GRM8: variants seen among roughly 807,000 people sequenced by gnomAD.
GRM8 encodes glutamate metabotropic receptor 8, also known as metabotropic glutamate receptor 8.
GRM8 carries 47 observed loss-of-function variants against 87.2 expected under a neutral mutation model. The ratio of observed to expected loss-of-function variants is 0.54; its 90% CI spans 0.43 to 0.69. The LOEUF (loss-of-function observed/expected upper bound fraction) is 0.69, where lower values mean the gene tolerates loss of function less well. Among genes scored for constraint, GRM8 ranks in the 30% least tolerant of loss-of-function variants. The pLI, the probability that GRM8 is intolerant of heterozygous loss-of-function variation, is 0.00. For synonymous variants in GRM8, 396 were observed against 404.5 expected (o/e 0.98, Z 0.25); for missense variants, 1,019 against 1,139.2 (o/e 0.89, Z 1.52).
intron 2 of GRM8, among the ~76,000 whole-genome samples, chr7:127,169,570 G>T (rs543330536): frequency 7.9e-5 from 12 of 151,946 alleles, no homozygotes; most frequent in African/African-American, 2.9e-4. Context: ...CAGATTTTCA[G>T]TGTAGCTGAA....
intron 9 of GRM8, among the ~76,000 whole-genome samples, chr7:126,464,833 T>C (rs1446143157): frequency 6.6e-6 from 1 of 151,796 alleles, no homozygotes; most frequent in Non-Finnish European, 1.5e-5. Context: ...TGTTTCCATG[T>C]ATATCTTAGT....
intron 7 of GRM8, among the ~76,000 whole-genome samples, chr7:126,707,865 G>A (rs926734839): frequency 6.6e-6 from 1 of 152,024 alleles, no homozygotes; most frequent in African/African-American, 2.4e-5. Context: ...AACACCAAGA[G>A]CACAGGCAAG....
chr7:127,182,882 T>C (rs1030057878), intron 2 of GRM8, among the ~76,000 whole-genome samples: 1 of 151,106 alleles, frequency 6.6e-6, no homozygotes, highest in Non-Finnish European at 1.5e-5. Flanking sequence ...ACAATGGACT[T>C]TGGGGACTTG....
intron 6 of GRM8, among the ~76,000 whole-genome samples, chr7:126,895,545 C>A (rs1452959914): frequency 1.3e-5 from 2 of 152,032 alleles, no homozygotes; most frequent in Non-Finnish European, 2.9e-5. Flanking sequence ...CATAGTGCTT[C>A]CCATATTGCT....
At chr7:126,771,567 T>G (rs1818843224) in intron 6 of GRM8, among the ~76,000 whole-genome samples, 1 of 152,140 alleles carries the variant, frequency 6.6e-6, no homozygotes, top group Non-Finnish European at 1.5e-5. Flanking sequence ...TAAATCGGAC[T>G]ATAAAATGTT....
intron 9 of GRM8, among the ~76,000 whole-genome samples, chr7:126,477,000 C>A (rs2150577192): frequency 6.6e-6 from 1 of 152,112 alleles, no homozygotes; most frequent in Non-Finnish European, 1.5e-5. Flanking sequence ...TATCTGTCAG[C>A]AGGAAATGAA....
intron 9 of GRM8, among the ~76,000 whole-genome samples, chr7:126,497,898 G>A (rs1451847624): frequency 4.6e-5 from 7 of 152,000 alleles, no homozygotes; most frequent in Admixed American, 4.6e-4. Context: ...TGTCAGTAGA[G>A]TGTAGGTGGG....
chr7:126,608,005 A>G (rs984735241), intron 8 of GRM8, among the ~76,000 whole-genome samples: 1 of 151,964 alleles, frequency 6.6e-6, no homozygotes, highest in Non-Finnish European at 1.5e-5. Flanking sequence ...ACCTCGACTG[A>G]GACTACAGAA....
At chr7:126,583,180 AC>A (rs781426559) in intron 8 of GRM8, among the ~76,000 whole-genome samples, 2 of 152,068 alleles carry the variant, frequency 1.3e-5, no homozygotes, top group Non-Finnish European at 2.9e-5. Context: ...ACATGGTGAA[AC>A]CCCATCTCTA....
At chr7:127,065,952 T>C (rs970971935) in intron 3 of GRM8, among the ~76,000 whole-genome samples, 1 of 152,250 alleles carries the variant, frequency 6.6e-6, no homozygotes, top group African/African-American at 2.4e-5. Flanking sequence ...CAGAAAATCA[T>C]TGAAATCATT....
intron 8 of GRM8, among the ~76,000 whole-genome samples, chr7:126,560,789 T>A (rs541373134): frequency 6.6e-6 from 1 of 152,228 alleles, no homozygotes; most frequent in Non-Finnish European, 1.5e-5. Flanking sequence ...AAGGACAGTA[T>A]TGCTATTCAA....
intron 2 of GRM8, among the ~76,000 whole-genome samples, chr7:127,163,687 G>A (rs1006990712): frequency 4.6e-5 from 7 of 152,128 alleles, no homozygotes; most frequent in African/African-American, 1.4e-4. Flanking sequence ...TTTAAATGAA[G>A]CGTGTTTGGT....
chr7:126,825,143 C>T (rs943469956), intron 6 of GRM8, among the ~76,000 whole-genome samples: 1 of 152,170 alleles, frequency 6.6e-6, no homozygotes, highest in Non-Finnish European at 1.5e-5. Context: ...CCTCGGCTCA[C>T]TGCAACCTCC....
At position 126,685,765 on chromosome 7, in the gene GRM8, C is replaced by T. The variant is rs569838562; in HGVS notation, c.1358-76267G>A. Among the ~76,000 whole-genome samples, 119 of 152,162 alleles carry T rather than the reference C, an allele frequency of 7.8e-4. 1 individual carries two copies. Among genetic ancestry groups the T allele is most frequent in the Middle Eastern group, 3.4e-3 (1 of 294 alleles). On this transcript the variant is annotated intron_variant, in intron 7 of 10. Transcript: ENST00000339582. The surrounding 1 kb of genome is among the most constrained non-coding windows in gnomAD (Gnocchi z 4.2). Reference sequence around the variant, plus strand: ...GCCTGCAGGCGCCCCTTGGCATGAACGGTCTGGGTGCGATGAATGGTGACA... The same window carrying T: ...GCCTGCAGGCGCCCCTTGGCATGAATGGTCTGGGTGCGATGAATGGTGACA...
intron 3 of GRM8, among the ~76,000 whole-genome samples, chr7:126,942,181 G>T (rs1011110535): frequency 6.6e-6 from 1 of 152,206 alleles, no homozygotes; most frequent in African/African-American, 2.4e-5. Flanking sequence ...ATAATCAAGT[G>T]ATAGTATGGA....
chr7:126,846,264 TC>T (rs1796704033), intron 6 of GRM8, among the ~76,000 whole-genome samples: 1 of 152,118 alleles, frequency 6.6e-6, no homozygotes, highest in African/African-American at 2.4e-5. Context: ...ACTCCTTCAC[TC>T]AAAAATGTGA....
chr7:126,844,377 G>C (rs2130633142), intron 6 of GRM8, among the ~76,000 whole-genome samples: 1 of 152,258 alleles, frequency 6.6e-6, no homozygotes, highest in Non-Finnish European at 1.5e-5. Context: ...CATGGGGTGA[G>C]GGGTATGTAA....
chr7:127,208,255 C>T (rs1290961732), intron 2 of GRM8, among the ~76,000 whole-genome samples: 1 of 152,170 alleles, frequency 6.6e-6, no homozygotes, highest in Non-Finnish European at 1.5e-5. Flanking sequence ...AGGTAATACG[C>T]ATGTTTGCTT....
At position 127,141,989 on chromosome 7, in the gene GRM8, GT is replaced by G. The variant is rs140681792; in HGVS notation, c.511-35278del. On this transcript the variant is annotated intron_variant, in intron 2 of 10. Transcript: ENST00000339582. ...AGTTGACTTGTCTGTTTTTGTTTTT[GT>G]TTTTTTTTAAGAGACCGGGTCTTGG... Among the ~76,000 whole-genome samples, 177 of 150,728 alleles carry G rather than the reference GT, an allele frequency of 1.2e-3. 1 individual carries two copies. Among genetic ancestry groups the G allele is most frequent in the African/African-American group, 4.2e-3 (173 of 41,062 alleles).
Sources: gnomAD v4.1 joint callset for allele counts (sites outside exome capture counted in the v4.1 genomes callset) on GRCh38, gnomAD v4.1.1 for gene constraint, Gnocchi (gnomAD v3.1) non-coding constraint, MANE v1.5 for transcripts, NCBI Gene and HGNC (gene_info 2026-07-23, HGNC 2026-07-21) for gene names.